COL5A1: variants seen among roughly 807,000 people sequenced by gnomAD.
COL5A1 encodes collagen alpha-1(V) chain.
A neutral mutation model predicts 263.7 loss-of-function variants in COL5A1; 16 were observed. The observed-to-expected ratio is 0.06, with a 90% confidence interval of 0.04 to 0.09. The LOEUF is 0.09. COL5A1 is among the 10% of genes least tolerant of loss of function. The probability of loss-of-function intolerance (pLI) is 1.00; values close to 1 mark genes in which losing one functional copy is unlikely to be tolerated. For synonymous variants in COL5A1, 1,012 were observed against 1,004.5 expected (o/e 1.01, Z -0.14); for missense variants, 2,036 against 2,540.5 (o/e 0.80, Z 4.27).
intron 65 of COL5A1, among the ~76,000 whole-genome samples, chr9:134,840,415 T>C (rs992846647): frequency 5.3e-5 from 8 of 152,212 alleles, no homozygotes; most frequent in Non-Finnish European, 1.0e-4. Context: ...TCACAGCGCC[T>C]CTGTGATGTG....
intron 39 of COL5A1, among the ~76,000 whole-genome samples, chr9:134,803,642 CAAAA>C (rs1009138203): frequency 6.6e-6 from 1 of 150,412 alleles, no homozygotes; most frequent in African/African-American, 2.5e-5. Flanking sequence ...TTTTTAAAAA[CAAAA>C]AACAAAAAAC....
chr9:134,759,712 AC>A lies in COL5A1; in HGVS notation c.1935+1423del, dbSNP rs200903656. Among the ~76,000 whole-genome samples the A allele has an allele frequency of 5.8e-3, 321 of 55,334 alleles. 15 individuals carry two copies. Among genetic ancestry groups the A allele is most frequent in the African/African-American group, 0.017 (184 of 10,570 alleles). The allele number at this position is 55,334 out of a possible 152,430, so 36.3% of individuals were successfully genotyped here. A position where few individuals can be genotyped will look rare whatever the true frequency, so the allele number is the denominator to read the frequency against. ...CATACACATATGCACACATGCACACACCCCCCCACCCCCACACTCATACACA... is the reference window on the plus strand; with the variant it reads ...CATACACATATGCACACATGCACACACCCCCCACCCCCACACTCATACACA... On this transcript the variant is annotated intron_variant, in intron 18 of 65. Coordinates refer to ENST00000371817, the MANE Select transcript of COL5A1 (RefSeq NM_000093.5).
rs139406076 is a variant in COL5A1 at position 134,731,555 on chromosome 9, G to C, written c.1224G>C (p.Thr408=). 1,043 of 1,614,100 alleles carry C rather than the reference G, an allele frequency of 6.5e-4. 1 individual carries two copies. Among genetic ancestry groups the C allele is most frequent in the Non-Finnish European group, 8.7e-4 (1,021 of 1,180,032 alleles). ...DDLEGEFTEE[T]IRNLDENYYD... is the part of the protein sequence containing the mutation. ...TGGAGGGGGAGTTCACTGAGGAAACGATCCGGAACCTTGACGAGAACTACT... is the reference window on the plus strand; with the variant it reads ...TGGAGGGGGAGTTCACTGAGGAAACCATCCGGAACCTTGACGAGAACTACT... The change falls in exon 8 of 66, where the codon ACG becomes ACC. Residue 408 remains threonine (T), a synonymous_variant. Coordinates refer to ENST00000371817, the MANE Select transcript of COL5A1 (RefSeq NM_000093.5).
intron 5 of COL5A1, among the ~76,000 whole-genome samples, chr9:134,728,418 C>T (rs561929859): frequency 2.0e-5 from 3 of 152,354 alleles, no homozygotes; most frequent in East Asian, 1.9e-4. Flanking sequence ...TTTGAGGGCT[C>T]ATCTTTCTCT....
Position 134,676,292 on chromosome 9 carries a change from TG to T in COL5A1, c.110-14619del, listed in dbSNP as rs375420765. ...TTGCCATCTTTTACTTATTTTAAGA[TG>T]AAAGGGATTGTGCTTTATAAGGATT... On this transcript the variant is annotated intron_variant, in intron 1 of 65. Transcript: ENST00000371817. Among the ~76,000 whole-genome samples, 865 of 152,322 alleles carry T rather than the reference TG, an allele frequency of 5.7e-3. 7 individuals are homozygous for T. The highest frequency in any genetic ancestry group is 0.02 in the African/African-American group (821 of 41,558).
At chr9:134,780,638 C>T (rs994138645) in intron 28 of COL5A1, among the ~76,000 whole-genome samples, 14 of 152,234 alleles carry the variant, frequency 9.2e-5, no homozygotes, top group African/African-American at 3.4e-4. Flanking sequence ...GGCCATGGTC[C>T]GTGGGGGCAG....
Position 134,701,223 on chromosome 9 carries a change from G to A in COL5A1, c.544G>A (p.Asp182Asn), listed in dbSNP as rs761005141. 5 of 1,613,938 alleles carry A rather than the reference G, an allele frequency of 3.1e-6. No homozygotes were observed. Among genetic ancestry groups the A allele is most frequent in the East Asian group, 2.2e-5 (1 of 44,880 alleles). ...VHKKNVTLIL[D>N]CKKKTTKFLD... ...CAAGAAAAATGTCACCTTGATCCTC[G>A]ACTGTAAAAAGAAGACCACCAAATT... The change falls in exon 4 of 66, where the codon GAC becomes AAC. Residue 182 changes from aspartate (D) to asparagine (N), a missense_variant. Coordinates refer to ENST00000371817, the MANE Select transcript of COL5A1 (RefSeq NM_000093.5).
intron 1 of COL5A1, among the ~76,000 whole-genome samples, chr9:134,685,211 TCCACCA>T: frequency 1.4e-5 from 2 of 141,648 alleles, no homozygotes; most frequent in African/African-American, 2.7e-5. Flanking sequence ...CATCCATCCA[TCCACCA>T]TCCATTCACC....
At chr9:134,751,708 G>A (rs1178190919) in intron 13 of COL5A1, among the ~76,000 whole-genome samples, 1 of 152,230 alleles carries the variant, frequency 6.6e-6, no homozygotes, top group African/African-American at 2.4e-5. Flanking sequence ...CAAGAAAGCT[G>A]CTAAGTAATC....
At chr9:134,801,314 G>C (rs1404831212) in intron 37 of COL5A1, among the ~76,000 whole-genome samples, 1 of 152,262 alleles carries the variant, frequency 6.6e-6, no homozygotes, top group Non-Finnish European at 1.5e-5. Context: ...CGCCAAAGCA[G>C]GTCAGTCGTC....
chr9:134,737,060 A>T (rs1835125640), intron 9 of COL5A1, among the ~76,000 whole-genome samples: 1 of 152,106 alleles, frequency 6.6e-6, no homozygotes, highest in Non-Finnish European at 1.5e-5. Flanking sequence ...TATGCTGGTG[A>T]CGCTACAGTC....
At chr9:134,834,541 G>A (rs1441549135) in intron 64 of COL5A1, among the ~76,000 whole-genome samples, 1 of 152,132 alleles carries the variant, frequency 6.6e-6, no homozygotes, top group African/African-American at 2.4e-5. Flanking sequence ...CGGGTACCAC[G>A]GCCAGTAACG....
intron 52 of COL5A1, 52 bp from the exon 53 acceptor site, chr9:134,816,974 T>C (rs1838775584): frequency 1.3e-6 from 2 of 1,543,096 alleles, no homozygotes; most frequent in Non-Finnish European, 1.8e-6. Context: ...TTGCCTCAAT[T>C]GAGTCTAACG....
intron 37 of COL5A1, among the ~76,000 whole-genome samples, chr9:134,799,588 G>C (rs1838035909): frequency 6.6e-6 from 1 of 152,196 alleles, no homozygotes. Flanking sequence ...TCCCCTCGTG[G>C]AATGGGTCTC....
At position 134,842,465 on chromosome 9, in the gene COL5A1, C is replaced by A; in HGVS notation, c.*162C>A. 1.2e-6 allele frequency: 1 copy of A among 847,902 alleles called. No individual in the cohort carries two copies. Among genetic ancestry groups the A allele is most frequent in the Non-Finnish European group, 1.9e-6 (1 of 536,156 alleles). The allele number at this position is 847,902 out of a possible 1,614,324, so 52.5% of individuals were successfully genotyped here. The stretch of plus-strand genomic sequence containing the variant: ...GGCACCACGGGGTGTGGGACCCCAG[C>A]CCGGAGAGAACAGAGGGAAGGAGCC... On this transcript the variant is annotated 3_prime_UTR_variant, in exon 66 of 66. Coordinates refer to ENST00000371817, the MANE Select transcript of COL5A1 (RefSeq NM_000093.5). This position sits in a 1 kb window ranked among gnomAD's most constrained non-coding sequence, Gnocchi z 5.8.
At chr9:134,832,122 T>C (rs1839659082) in intron 64 of COL5A1, among the ~76,000 whole-genome samples, 2 of 151,896 alleles carry the variant, frequency 1.3e-5, no homozygotes, top group African/African-American at 4.8e-5. Flanking sequence ...AATGCAAAAA[T>C]GGGCTGGGCA....
In COL5A1 at chr9:134,682,657, G is replaced by A. The variant is rs1832896388; in HGVS notation, c.110-8255G>A. ...GGCACTCCTTGACTGGAAAGTAACA[G>A]TGGGCACTGCTCCGGCTCAGGGGGG... is the stretch of plus-strand genomic sequence containing the variant. On this transcript the variant is annotated intron_variant, in intron 1 of 65. Transcript: ENST00000371817. The surrounding 1 kb of genome is among the most constrained non-coding windows in gnomAD (Gnocchi z 5.1). 6.6e-6 allele frequency among the ~76,000 whole-genome samples: 1 copy of A among 152,222 alleles called. No homozygotes were observed. Among genetic ancestry groups the A allele is most frequent in the Non-Finnish European group, 1.5e-5 (1 of 68,038 alleles).
At position 134,747,796 on chromosome 9, in the gene COL5A1, C is replaced by T. The variant is rs531558464; in HGVS notation, c.1495-2746C>T. ...AGACACATGCACACATGCATTCATA[C>T]ACACATGCAGACACATGCACACATG... is the stretch of plus-strand genomic sequence containing the variant. On this transcript the variant is annotated intron_variant, in intron 11 of 65. Transcript: ENST00000371817. Among the ~76,000 whole-genome samples the T allele has an allele frequency of 9.3e-5, 14 of 150,600 alleles. No homozygotes were observed. In the East Asian group the frequency reaches 2.8e-3, roughly 30 times the overall value.
chr9:134,679,211 G>T (rs1391047709), intron 1 of COL5A1, among the ~76,000 whole-genome samples: 2 of 152,084 alleles, frequency 1.3e-5, no homozygotes, highest in East Asian at 1.9e-4. Flanking sequence ...CTACCACCCC[G>T]CAGTCCCTCC....
Sources: allele counts gnomAD v4.1 joint callset (sites outside exome capture counted in the v4.1 genomes callset), GRCh38; gene constraint gnomAD v4.1.1; non-coding constraint Gnocchi (gnomAD v3.1); transcripts MANE v1.5; gene names NCBI Gene and HGNC (gene_info 2026-07-23, HGNC 2026-07-21).